USP42: variants seen among roughly 807,000 people sequenced by gnomAD.
USP42 encodes ubiquitin carboxyl-terminal hydrolase 42.
Under a neutral mutation model 113.0 loss-of-function variants are expected in USP42, and 23 were observed. That is an observed-to-expected ratio of 0.20 (90% confidence interval 0.15 to 0.29). The LOEUF (loss-of-function observed/expected upper bound fraction) is 0.29. Ranked by LOEUF, USP42 falls within the 10% of genes least tolerant of loss-of-function variation. USP42 has a pLI of 1.00. For missense variants in USP42, 2,174 were observed against 1,779.8 expected, an observed-to-expected ratio of 1.22 and a Z score of -3.99; for synonymous variants, 933 against 699.0, an observed-to-expected ratio of 1.33 and a Z score of -5.28.
chr7:6,155,913 C>T (rs927443047), intron 15 of USP42, among the ~76,000 whole-genome samples: 2 of 152,116 alleles, frequency 1.3e-5, no homozygotes, highest in African/African-American at 4.8e-5. Context: ...CGTGTGCTAC[C>T]ATCCTCAGCT....
chr7:6,093,026 C>G, the USP42 span: 1 of 150,732 alleles, frequency 6.6e-6, no homozygotes, highest in Non-Finnish European at 1.5e-5. Context: ...TGTTTCCAAA[C>G]AGTGCTCTCT....
At chr7:6,143,468 C>CT (rs974740584) in intron 8 of USP42, among the ~76,000 whole-genome samples, 4 of 152,122 alleles carry the variant, frequency 2.6e-5, no homozygotes, top group Admixed American at 1.3e-4. Context: ...CTGAAAAACT[C>CT]TAATTTTGAT....
chr7:6,115,567 C>G (rs1035852567), intron 3 of USP42, 44 bp downstream of exon 3: 8 of 1,591,408 alleles, frequency 5.0e-6, no homozygotes, highest in Non-Finnish European at 6.9e-6. Flanking sequence ...GTGCGCTAAC[C>G]TACTTTCATT....
At position 6,149,176 on chromosome 7, in the gene USP42, C is replaced by T. The variant is rs1290363227; in HGVS notation, c.1387-407C>T. 9.2e-5 allele frequency among the ~76,000 whole-genome samples: 14 copies of T among 152,246 alleles called. No homozygotes were observed. The East Asian group carries it at 2.7e-3, about 29-fold the overall frequency. ...GGCTGAAGCAGCCCCTACTCTCCGC[C>T]CACGTGACCGTCTCCTTTGCTCCGA... On this transcript the variant is annotated intron_variant, in intron 12 of 17. Coordinates refer to ENST00000306177, the MANE Select transcript of USP42 (RefSeq NM_032172.3).
At chr7:6,123,297 G>C (rs966387313) in intron 3 of USP42, among the ~76,000 whole-genome samples, 3 of 152,192 alleles carry the variant, frequency 2.0e-5, no homozygotes, top group African/African-American at 7.2e-5. Context: ...GCTGAGGCAG[G>C]AGGATGGGTT....
At position 6,157,271 on chromosome 7, in the gene USP42, T is replaced by G; in HGVS notation, c.3943+216T>G. On this transcript the variant is annotated intron_variant, in intron 16 of 17. Coordinates refer to ENST00000306177, the MANE Select transcript of USP42 (RefSeq NM_032172.3). The surrounding 1 kb of genome is among the most constrained non-coding windows in gnomAD (Gnocchi z 4.1). ...CCTTAGCGTTTATTGAAGGCCTAAG[T>G]GACACAGGACTGAGGGCAGCACTAC... 7.6e-7 allele frequency: 1 copy of G among 1,313,788 alleles called. No individual in the cohort carries two copies. The highest frequency in any genetic ancestry group is 9.7e-7 in the Non-Finnish European group (1 of 1,034,442). The allele number at this position is 1,313,788 out of a possible 1,614,324, so 81.4% of individuals were successfully genotyped here.
chr7:6,123,748 C>T (rs116812826), intron 3 of USP42, among the ~76,000 whole-genome samples: 4,175 of 147,540 alleles, frequency 0.028, 179 homozygotes, highest in African/African-American at 0.099. Flanking sequence ...CTCGGGAGGC[C>T]GAGGTAGGAG....
chr7:6,088,932 T>G, the USP42 span: 1 of 151,028 alleles, frequency 6.6e-6, no homozygotes, highest in Non-Finnish European at 1.5e-5. Context: ...GGGAGGGGTC[T>G]CACCAAATGC....
chr7:6,098,532 G>C, the USP42 span, among the ~76,000 whole-genome samples: 1 of 150,142 alleles, frequency 6.7e-6, no homozygotes, highest in African/African-American at 2.5e-5. Context: ...GGAACAGAAA[G>C]AATGCATTGT....
intron 9 of USP42, among the ~76,000 whole-genome samples, chr7:6,144,508 A>G (rs1205531633): frequency 6.6e-6 from 1 of 152,156 alleles, no homozygotes; most frequent in Non-Finnish European, 1.5e-5. Context: ...CCACTTTCTG[A>G]AGATTGAAAG....
chr7:6,095,309 G>A, the USP42 span, among the ~76,000 whole-genome samples: 9 of 151,330 alleles, frequency 5.9e-5, no homozygotes, highest in South Asian at 1.9e-3. Context: ...CTTGGACTCT[G>A]TAAGCAAAAG....
chr7:6,145,583 T>G lies in USP42; in HGVS notation c.1058T>G (p.Val353Gly). The G allele has an allele frequency of 6.2e-7, 1 of 1,614,040 alleles. No homozygotes were observed. The change falls in exon 10 of 18, where the codon GTC (valine) becomes GGC (glycine). Residue 353 changes from valine to glycine, a missense_variant. Physicochemically the swap from Val to Gly is moderately radical, Grantham distance 109. Coordinates refer to ENST00000306177, the MANE Select transcript of USP42 (RefSeq NM_032172.3). ...TCTCAACCCAACGGAGAGCCAATTG[T>G]CTACGTCTTGTATGCAGTGCTGGTC... is the stretch of plus-strand genomic sequence containing the variant. The part of the protein sequence containing the change: ...YMSQPNGEPI[V>G]YVLYAVLVHT...
the USP42 span, among the ~76,000 whole-genome samples, chr7:6,088,156 C>T: frequency 3.3e-5 from 5 of 151,124 alleles, no homozygotes; most frequent in Admixed American, 1.3e-4. Context: ...AAAAACTAGC[C>T]GGGTACTGAG....
chr7:6,136,843 T>C (rs1028528282), intron 4 of USP42, among the ~76,000 whole-genome samples: 4 of 151,630 alleles, frequency 2.6e-5, no homozygotes, highest in Non-Finnish European at 4.4e-5. Context: ...TGTGTCTCAC[T>C]GTTTTGCCCA....
At position 6,154,163 on chromosome 7, in the gene USP42, C is replaced by A. The variant is rs1386998311; in HGVS notation, c.2609C>A (p.Pro870Gln). The change falls in exon 15 of 18, where the codon CCA becomes CAA. Residue 870 changes from proline (P) to glutamine (Q), a missense_variant. By Grantham distance (76) the Pro-to-Gln change is moderately conservative. Coordinates refer to ENST00000306177, the MANE Select transcript of USP42 (RefSeq NM_032172.3). Reference protein sequence around the residue: ...PARSEEPCEQPLLVHPSGDHA... With the variant: ...PARSEEPCEQQLLVHPSGDHA... ...CGGTCGGAGGAGCCCTGCGAGCAGCCACTCCTTGTTCACCCCAGCGGGGAC... is the reference window on the plus strand; with the variant it reads ...CGGTCGGAGGAGCCCTGCGAGCAGCAACTCCTTGTTCACCCCAGCGGGGAC... The A allele has an allele frequency of 6.3e-7, 1 of 1,594,974 alleles. No homozygotes were observed. Among genetic ancestry groups the A allele is most frequent in the Admixed American group, 1.7e-5 (1 of 59,446 alleles).
At chr7:6,083,649 G>A in the USP42 span, among the ~76,000 whole-genome samples, 1 of 150,260 alleles carries the variant, frequency 6.7e-6, no homozygotes, top group African/African-American at 2.5e-5. Context: ...GAATATATAA[G>A]TATATAGTAT....
the USP42 span, among the ~76,000 whole-genome samples, chr7:6,086,318 G>C: frequency 6.7e-6 from 1 of 148,612 alleles, no homozygotes; most frequent in Non-Finnish European, 1.5e-5. Context: ...CCATTCTCCT[G>C]CCTCAGCCTC....
chr7:6,105,131 G>C (rs1192203288), intron 1 of USP42, 99 bp downstream of exon 1: 1 of 146,288 alleles, frequency 6.8e-6, no homozygotes, highest in Non-Finnish European at 1.5e-5. Context: ...CCCCTCAGCC[G>C]GCGCGGCCCG....
In USP42 at chr7:6,153,979, A is replaced by G. The variant is rs771851705; in HGVS notation, c.2425A>G (p.Ile809Val). ...EEPPPSAGEDIVGDTAPPDLC... is the reference protein window; with the variant it reads ...EEPPPSAGEDVVGDTAPPDLC... ...GCCTCCGCCCAGCGCCGGCGAGGACATCGTGGGGGACACAGCACCCCCTGA... is the reference window on the plus strand; with the variant it reads ...GCCTCCGCCCAGCGCCGGCGAGGACGTCGTGGGGGACACAGCACCCCCTGA... Residue 809 changes from isoleucine to valine, a missense_variant, in exon 15 of 18, where the codon ATC (isoleucine) becomes GTC (valine). Physicochemically the swap from Ile to Val is conservative, Grantham distance 29. Transcript: ENST00000306177. The G allele has an allele frequency of 3.8e-6, 6 of 1,597,056 alleles. No individual in the cohort carries two copies. The highest frequency in any genetic ancestry group is 5.1e-6 in the Non-Finnish European group (6 of 1,174,404).
Sources: gnomAD v4.1 joint callset for allele counts (sites outside exome capture counted in the v4.1 genomes callset) on GRCh38, gnomAD v4.1.1 for gene constraint, Gnocchi (gnomAD v3.1) non-coding constraint, MANE v1.5 for transcripts, NCBI Gene and HGNC (gene_info 2026-07-23, HGNC 2026-07-21) for gene names.